Variants in SND1 observed in about 807,000 individuals in gnomAD.
The protein encoded by SND1 is staphylococcal nuclease and tudor domain containing 1.
In SND1, 38 loss-of-function variants were observed where a neutral mutation model predicts 121.7. The ratio of observed to expected loss-of-function variants is 0.31; its 90% CI spans 0.24 to 0.41. SND1 has a LOEUF of 0.41. Among genes scored for constraint, SND1 ranks in the 10% least tolerant of loss-of-function variants. SND1 has a pLI of 1.00. For missense variants in SND1, 868 were observed against 1,184.6 expected (o/e 0.73, Z 3.92); for synonymous variants, 401 against 447.4 (o/e 0.90, Z 1.31).
intron 12 of SND1, among the ~76,000 whole-genome samples, chr7:127,859,180 G>A (rs1799335580): frequency 6.6e-6 from 1 of 152,112 alleles, no homozygotes; most frequent in South Asian, 2.1e-4. Context: ...CAATAATATG[G>A]ATATGTAGGC....
At chr7:128,040,772 C>G (rs1035775641) in intron 16 of SND1, among the ~76,000 whole-genome samples, 4 of 152,176 alleles carry the variant, frequency 2.6e-5, no homozygotes, top group African/African-American at 9.7e-5. Context: ...CGTTCTAATC[C>G]CTTGGTTTGT....
intron 13 of SND1, among the ~76,000 whole-genome samples, chr7:127,890,783 G>A (rs1799997084): frequency 6.6e-6 from 1 of 152,136 alleles, no homozygotes; most frequent in South Asian, 2.1e-4. Context: ...AGCCTTTTTA[G>A]TCTAGTGCTT....
intron 1 of SND1, among the ~76,000 whole-genome samples, chr7:127,667,298 A>G (rs1009917070): frequency 2.6e-5 from 4 of 152,190 alleles, no homozygotes; most frequent in African/African-American, 9.7e-5. Context: ...ACAGGAACAA[A>G]CCTGAAGAAG....
intron 2 of SND1, among the ~76,000 whole-genome samples, chr7:127,692,211 G>T (rs1424908155): frequency 6.6e-6 from 1 of 152,206 alleles, no homozygotes; most frequent in African/African-American, 2.4e-5. Context: ...TCAAAGAGAA[G>T]ATTAGAATTA....
intron 15 of SND1, among the ~76,000 whole-genome samples, chr7:127,937,759 G>A (rs1453703671): frequency 3.3e-5 from 5 of 152,246 alleles, no homozygotes; most frequent in African/African-American, 1.2e-4. Flanking sequence ...GAGGAGGGAA[G>A]GGAAGGTGAA....
chr7:127,817,721 C>CTTTTT (rs72233818), intron 11 of SND1, among the ~76,000 whole-genome samples: 9 of 104,072 alleles, frequency 8.6e-5, no homozygotes, highest in Non-Finnish European at 1.2e-4. Context: ...TTCCTTCATA[C>CTTTTT]TTTTTTTTTT....
chr7:127,878,157 C>T (rs1799724921), intron 12 of SND1, among the ~76,000 whole-genome samples: 1 of 152,076 alleles, frequency 6.6e-6, no homozygotes, highest in South Asian at 2.1e-4. Context: ...CTTCCTCCTC[C>T]CATGAGGAAG....
intron 12 of SND1, among the ~76,000 whole-genome samples, chr7:127,850,443 G>A (rs1799144015): frequency 6.6e-6 from 1 of 152,232 alleles, no homozygotes; most frequent in South Asian, 2.1e-4. Flanking sequence ...TTCAGCACTT[G>A]AGAAAGTATG....
At chr7:128,066,703 G>A (rs781720549) in intron 16 of SND1, among the ~76,000 whole-genome samples, 1 of 152,194 alleles carries the variant, frequency 6.6e-6, no homozygotes, top group Non-Finnish European at 1.5e-5. Context: ...AGCTGGCTGT[G>A]TTAAACTGTT....
rs73450914 is a variant in SND1 at position 127,655,099 on chromosome 7, C to T, written c.78+2648C>T. On this transcript the variant is annotated intron_variant, in intron 1 of 23. Coordinates refer to ENST00000354725, the MANE Select transcript of SND1 (RefSeq NM_014390.4). The stretch of plus-strand genomic sequence containing the variant: ...AGGTAGAAATTGGAACACTGACCTA[C>T]GCTTTTCATTGTTAACTCTTTGGAT... Among the ~76,000 whole-genome samples, 503 of 152,254 alleles carry T rather than the reference C, an allele frequency of 3.3e-3. 2 individuals carry two copies. The highest frequency in any genetic ancestry group is 0.011 in the African/African-American group (443 of 41,534).
chr7:128,030,805 C>T, intron 16 of SND1: 2 of 892,018 alleles, frequency 2.2e-6, no homozygotes, highest in Non-Finnish European at 1.6e-6. Flanking sequence ...AAAAATCCTG[C>T]CAAACTCGAG....
chr7:128,064,635 T>A (rs1324768999), intron 16 of SND1, among the ~76,000 whole-genome samples: 1 of 152,208 alleles, frequency 6.6e-6, no homozygotes, highest in African/African-American at 2.4e-5. Flanking sequence ...AGCTGAATTC[T>A]GAAGTGAGCG....
chr7:127,752,549 G>A (rs1797115038), intron 10 of SND1, among the ~76,000 whole-genome samples: 1 of 152,096 alleles, frequency 6.6e-6, no homozygotes, highest in South Asian at 2.1e-4. Flanking sequence ...AGTGAAAGAG[G>A]AATTTAAAAA....
intron 15 of SND1, among the ~76,000 whole-genome samples, chr7:127,957,457 CAA>C (rs1408610879): frequency 6.6e-6 from 1 of 152,146 alleles, no homozygotes; most frequent in East Asian, 1.9e-4. Context: ...CCTATTGATT[CAA>C]AAGAGACTGA....
chr7:127,664,148 G>A (rs1181987751), intron 1 of SND1, among the ~76,000 whole-genome samples: 1 of 151,986 alleles, frequency 6.6e-6, no homozygotes, highest in African/African-American at 2.4e-5. Context: ...GCTAATTTTT[G>A]TATTTTTTGT....
chr7:128,086,513 C>G (rs1793690452), intron 20 of SND1: 1 of 273,026 alleles, frequency 3.7e-6, no homozygotes, highest in Non-Finnish European at 7.1e-6. Flanking sequence ...GGGCCAGAAC[C>G]ACAGGCAGGC....
chr7:127,828,142 G>T (rs753355227), intron 11 of SND1, among the ~76,000 whole-genome samples: 1 of 151,778 alleles, frequency 6.6e-6, no homozygotes, highest in African/African-American at 2.4e-5. Flanking sequence ...GATTACAGGC[G>T]CCCACCACCA....
chr7:127,899,770 G>A (rs950233579), intron 13 of SND1, among the ~76,000 whole-genome samples: 1 of 152,174 alleles, frequency 6.6e-6, no homozygotes, highest in African/African-American at 2.4e-5. Context: ...ATTTAGTTAA[G>A]ATATCCCTGA....
intron 10 of SND1, among the ~76,000 whole-genome samples, chr7:127,732,064 C>T (rs1157384443): frequency 1.3e-5 from 2 of 152,328 alleles, no homozygotes; most frequent in East Asian, 3.9e-4. Context: ...TGCCTTTGTG[C>T]CCACCCCAGA....
Sources: gnomAD v4.1 joint callset for allele counts (sites outside exome capture counted in the v4.1 genomes callset) on GRCh38, gnomAD v4.1.1 for gene constraint, MANE v1.5 for transcripts, NCBI Gene and HGNC (gene_info 2026-07-23, HGNC 2026-07-21) for gene names.